KCNH7: variants seen among roughly 807,000 people sequenced by gnomAD.
KCNH7 encodes the protein potassium voltage-gated channel subfamily H member 7, also known as voltage-gated inwardly rectifying potassium channel KCNH7.
Under a neutral mutation model 120.8 loss-of-function variants are expected in KCNH7, and 49 were observed. That is an observed-to-expected ratio of 0.41 (90% confidence interval 0.32 to 0.51). The LOEUF (loss-of-function observed/expected upper bound fraction) is 0.51. KCNH7 is among the 20% of genes least tolerant of loss of function. KCNH7 has a pLI of 0.38. For missense variants in KCNH7, 1,097 were observed against 1,446.6 expected (o/e 0.76, Z 3.92); for synonymous variants, 547 against 516.1 (o/e 1.06, Z -0.81).
chr2:162,764,178 A>G (rs1162740864), intron 2 of KCNH7, among the ~76,000 whole-genome samples: 1 of 152,170 alleles, frequency 6.6e-6, no homozygotes, highest in East Asian at 1.9e-4. Flanking sequence ...CTCATGTCAG[A>G]GTACTGCAAA....
At chr2:162,748,925 CCTTT>C (rs1301750033) in intron 2 of KCNH7, among the ~76,000 whole-genome samples, 11 of 40,146 alleles carry the variant, frequency 2.7e-4, no homozygotes, top group African/African-American at 4.4e-4. Flanking sequence ...CCTTCCCTTT[CCTTT>C]CCTTCCTTCC....
chr2:162,791,976 T>G (rs1025487411), intron 2 of KCNH7, among the ~76,000 whole-genome samples: 1 of 148,538 alleles, frequency 6.7e-6, no homozygotes, highest in African/African-American at 2.5e-5. Flanking sequence ...ATTTATCGAG[T>G]TTTTTTTTTA....
intron 2 of KCNH7, among the ~76,000 whole-genome samples, chr2:162,819,754 C>T (rs895310413): frequency 1.3e-5 from 2 of 152,072 alleles, no homozygotes; most frequent in Admixed American, 1.3e-4. Context: ...GAGTAGTGAA[C>T]AAGAATAAAT....
intron 2 of KCNH7, among the ~76,000 whole-genome samples, chr2:162,736,790 T>C (rs1413961991): frequency 1.3e-5 from 2 of 152,162 alleles, no homozygotes; most frequent in Non-Finnish European, 2.9e-5. Flanking sequence ...CTAAAGAAAA[T>C]GAACCCACTG....
chr2:162,579,378 C>G (rs1317170633), intron 2 of KCNH7, among the ~76,000 whole-genome samples: 1 of 152,074 alleles, frequency 6.6e-6, no homozygotes, highest in Non-Finnish European at 1.5e-5. Flanking sequence ...GAGGGAGATG[C>G]AGCACATCTT....
chr2:162,513,673 T>C (rs954753790), intron 4 of KCNH7, among the ~76,000 whole-genome samples: 1 of 151,638 alleles, frequency 6.6e-6, no homozygotes, highest in Admixed American at 6.6e-5. Flanking sequence ...CCAACTTACA[T>C]TATTAATCAC....
At chr2:162,710,354 T>A (rs1406898839) in intron 2 of KCNH7, among the ~76,000 whole-genome samples, 1 of 152,148 alleles carries the variant, frequency 6.6e-6, no homozygotes, top group Non-Finnish European at 1.5e-5. Flanking sequence ...TTTTTAGAAT[T>A]TTTTTTAGAA....
intron 9 of KCNH7, among the ~76,000 whole-genome samples, chr2:162,416,511 T>G (rs1394047954): frequency 6.6e-6 from 1 of 152,132 alleles, no homozygotes; most frequent in Non-Finnish European, 1.5e-5. Context: ...AATCAGATGA[T>G]AGCTTGAGAT....
chr2:162,473,164 T>C (rs574755665), intron 6 of KCNH7, among the ~76,000 whole-genome samples: 2 of 152,040 alleles, frequency 1.3e-5, no homozygotes, highest in South Asian at 4.2e-4. Context: ...GGCACACGTA[T>C]ACATATGTAA....
At chr2:162,753,026 A>G (rs187057354) in intron 2 of KCNH7, among the ~76,000 whole-genome samples, 8 of 146,824 alleles carry the variant, frequency 5.4e-5, no homozygotes, top group African/African-American at 7.6e-5. Context: ...AAGAAAAGAA[A>G]AGAAACCCTG....
At chr2:162,491,011 C>A (rs1428149468) in intron 6 of KCNH7, among the ~76,000 whole-genome samples, 1 of 152,164 alleles carries the variant, frequency 6.6e-6, no homozygotes, top group Non-Finnish European at 1.5e-5. Context: ...CTGCCACACA[C>A]ATATGCTGCG....
intron 2 of KCNH7, among the ~76,000 whole-genome samples, chr2:162,809,283 T>C (rs924985950): frequency 6.6e-6 from 1 of 152,200 alleles, no homozygotes; most frequent in African/African-American, 2.4e-5. Flanking sequence ...ACATTAAAAT[T>C]GTATATCAGT....
chr2:162,569,147 T>C (rs1276741986), intron 2 of KCNH7, among the ~76,000 whole-genome samples: 1 of 151,994 alleles, frequency 6.6e-6, no homozygotes, highest in African/African-American at 2.4e-5. Flanking sequence ...CGGCTGTGAA[T>C]CCATCTGGTC....
chr2:162,504,707 A>T (rs753780747), intron 5 of KCNH7, 50 bp from the exon 6 acceptor site: 3 of 1,215,260 alleles, frequency 2.5e-6, no homozygotes, highest in Non-Finnish European at 3.6e-6. Context: ...GATATAGAAG[A>T]AAGAGACAGT....
At chr2:162,495,276 C>A (rs1029919366) in intron 6 of KCNH7, among the ~76,000 whole-genome samples, 15 of 152,102 alleles carry the variant, frequency 9.9e-5, no homozygotes, top group Admixed American at 2.6e-4. Context: ...TGGCCTCATA[C>A]CTTGTCTAAA....
At chr2:162,622,755 TA>T (rs1262062125) in intron 2 of KCNH7, among the ~76,000 whole-genome samples, 1 of 152,094 alleles carries the variant, frequency 6.6e-6, no homozygotes, top group Non-Finnish European at 1.5e-5. Flanking sequence ...CTCCTTAGAA[TA>T]AAAAGTCCTG....
intron 2 of KCNH7, among the ~76,000 whole-genome samples, chr2:162,601,292 C>A (rs367640467): frequency 6.6e-6 from 1 of 151,288 alleles, no homozygotes; most frequent in Non-Finnish European, 1.5e-5. Flanking sequence ...GCTTTAAATT[C>A]ACCAGTCAAG....
chr2:162,418,247 T>C (rs182854935), intron 9 of KCNH7, among the ~76,000 whole-genome samples: 2 of 152,268 alleles, frequency 1.3e-5, no homozygotes, highest in Admixed American at 6.5e-5. Context: ...CATTTAAATG[T>C]AGGTTTTGGC....
intron 2 of KCNH7, among the ~76,000 whole-genome samples, chr2:162,605,716 G>A (rs1427792157): frequency 6.6e-6 from 1 of 152,066 alleles, no homozygotes; most frequent in Non-Finnish European, 1.5e-5. Context: ...TTTCGCTGAT[G>A]GAAAATATTC....
Sources: allele counts gnomAD v4.1 joint callset (sites outside exome capture counted in the v4.1 genomes callset), GRCh38; gene constraint gnomAD v4.1.1; transcripts MANE v1.5; gene names NCBI Gene and HGNC (gene_info 2026-07-23, HGNC 2026-07-21).